CNTLN: variants seen among roughly 807,000 people sequenced by gnomAD.
CNTLN encodes centlein.
In CNTLN, 212 loss-of-function variants were observed where a neutral mutation model predicts 180.0. The ratio of observed to expected loss-of-function variants is 1.18; its 90% CI spans 1.05 to 1.32. CNTLN has a LOEUF of 1.32. Among genes scored for constraint, CNTLN ranks in the 40% most tolerant of loss-of-function variants. The probability of loss-of-function intolerance (pLI) is 0.00; values close to 1 mark genes in which losing one functional copy is unlikely to be tolerated. For synonymous variants in CNTLN, 722 were observed against 563.1 expected, an observed-to-expected ratio of 1.28 and a Z score of -3.99; for missense variants, 2,095 against 1,610.9, an observed-to-expected ratio of 1.30 and a Z score of -5.14.
chr9:17,494,926 G>A, intron 25 of CNTLN: 1 of 423,770 alleles, frequency 2.4e-6, no homozygotes, highest in Non-Finnish European at 4.6e-6. Context: ...CTGTCTCCCA[G>A]GCTGAAGTGC....
At chr9:17,457,482 T>C in intron 18 of CNTLN, 42 bp from the exon 19 acceptor site, 2 of 1,088,428 alleles carry the variant, frequency 1.8e-6, no homozygotes, top group Non-Finnish European at 2.4e-6. Flanking sequence ...TATAGTTACT[T>C]TTAAAATATA....
intron 2 of CNTLN, among the ~76,000 whole-genome samples, chr9:17,201,468 C>CT (rs942280889): frequency 3.8e-4 from 58 of 151,784 alleles, no homozygotes; most frequent in Admixed American, 9.2e-4. Context: ...TGGACCTGGG[C>CT]TTTTTTTTGG....
intron 7 of CNTLN, 43 bp downstream of exon 7, chr9:17,298,395 G>A (rs1355609308): frequency 2.1e-6 from 3 of 1,458,522 alleles, no homozygotes; most frequent in Non-Finnish European, 2.7e-6. Context: ...GTTTATGTAT[G>A]AACTTATGAA....
chr9:17,356,182 G>T (rs1822830321), intron 12 of CNTLN, among the ~76,000 whole-genome samples: 1 of 152,096 alleles, frequency 6.6e-6, no homozygotes, highest in Non-Finnish European at 1.5e-5. Context: ...CAAGAGTTGT[G>T]TAAGTTTTTC....
At chr9:17,207,436 C>T (rs553602820) in intron 2 of CNTLN, among the ~76,000 whole-genome samples, 1 of 152,200 alleles carries the variant, frequency 6.6e-6, no homozygotes, top group Admixed American at 6.5e-5. Flanking sequence ...CGGTGTCTGC[C>T]CAAAGAGCAG....
At chr9:17,232,232 T>C (rs1462651693) in intron 3 of CNTLN, among the ~76,000 whole-genome samples, 1 of 152,066 alleles carries the variant, frequency 6.6e-6, no homozygotes, top group African/African-American at 2.4e-5. Context: ...AATCTTTGTC[T>C]AACTTATTTT....
chr9:17,213,452 T>C (rs143492522), intron 2 of CNTLN, among the ~76,000 whole-genome samples: 1,828 of 152,356 alleles, frequency 0.012, 39 homozygotes, highest in African/African-American at 0.042. Flanking sequence ...ATTTTACATT[T>C]GCTGAGGAGT....
chr9:17,451,932 G>C (rs1369979202), intron 18 of CNTLN, among the ~76,000 whole-genome samples: 1 of 152,118 alleles, frequency 6.6e-6, no homozygotes, highest in Non-Finnish European at 1.5e-5. Flanking sequence ...AAAAGCTGTA[G>C]GTCAGAATCA....
At chr9:17,345,640 T>C (rs1015197783) in intron 12 of CNTLN, among the ~76,000 whole-genome samples, 2 of 152,058 alleles carry the variant, frequency 1.3e-5, no homozygotes, top group Non-Finnish European at 2.9e-5. Flanking sequence ...CTAGAAACCT[T>C]GTTTTCATTT....
chr9:17,400,632 A>G (rs1772065532), intron 15 of CNTLN, among the ~76,000 whole-genome samples: 1 of 152,210 alleles, frequency 6.6e-6, no homozygotes, highest in Non-Finnish European at 1.5e-5. Context: ...ACGTTGTGAG[A>G]AAGAAATAGG....
intron 13 of CNTLN, among the ~76,000 whole-genome samples, chr9:17,385,610 G>T (rs906154577): frequency 6.6e-6 from 1 of 152,100 alleles, no homozygotes; most frequent in African/African-American, 2.4e-5. Context: ...TGGACCCTCT[G>T]TATCCACGGG....
At chr9:17,357,148 C>G (rs1198153334) in intron 12 of CNTLN, among the ~76,000 whole-genome samples, 1 of 152,022 alleles carries the variant, frequency 6.6e-6, no homozygotes, top group Admixed American at 6.6e-5. Context: ...TTTACTATTT[C>G]TTCAAGATTT....
chr9:17,518,278 A>C, the CNTLN span, among the ~76,000 whole-genome samples: 258 of 151,154 alleles, frequency 1.7e-3, 1 homozygote, highest in African/African-American at 5.9e-3. Flanking sequence ...TGAACTCCTG[A>C]CCTCGTGATC....
At chr9:17,137,349 T>A (rs1438220540) in intron 1 of CNTLN, among the ~76,000 whole-genome samples, 1 of 152,206 alleles carries the variant, frequency 6.6e-6, no homozygotes, top group Non-Finnish European at 1.5e-5. Flanking sequence ...AACTCCCAAT[T>A]GTTTTGTAAA....
the CNTLN span, among the ~76,000 whole-genome samples, chr9:17,510,177 C>A: frequency 1.3e-5 from 2 of 152,062 alleles, no homozygotes; most frequent in Non-Finnish European, 2.9e-5. Context: ...TTGGGTTTCC[C>A]ACCAAGAAAA....
At chr9:17,178,461 G>T (rs893211240) in intron 2 of CNTLN, among the ~76,000 whole-genome samples, 4 of 152,188 alleles carry the variant, frequency 2.6e-5, no homozygotes, top group African/African-American at 9.6e-5. Flanking sequence ...CTGGAATAGG[G>T]AGTGGTGCTG....
At chr9:17,493,772 G>A (rs553396111) in intron 25 of CNTLN, among the ~76,000 whole-genome samples, 1 of 152,308 alleles carries the variant, frequency 6.6e-6, no homozygotes, top group African/African-American at 2.4e-5. Context: ...CATGAGCTCT[G>A]CCTTGTGGAA....
In CNTLN at chr9:17,172,983, T is replaced by C. The variant is rs541840682; in HGVS notation, c.449+29607T>C. Among the ~76,000 whole-genome samples, 50 of 152,324 alleles carry C rather than the reference T, an allele frequency of 3.3e-4. 1 individual carries two copies. The highest frequency in any genetic ancestry group is 1.2e-3 in the African/African-American group (49 of 41,584). ...TGAATTTTGGAAAAAATAATGGTTA[T>C]ATCCTGTTGGAAGATTTCTACAAAT... On this transcript the variant is annotated intron_variant, in intron 2 of 25. Coordinates refer to ENST00000380647, the MANE Select transcript of CNTLN (RefSeq NM_017738.4).
In CNTLN at chr9:17,135,481, G is replaced by T. The variant is rs563950352; in HGVS notation, c.360+56G>T. On this transcript the variant is annotated intron_variant, in intron 1 of 25. Transcript: ENST00000380647. ...CCACCACAGCGGGGCCGGGACCCGT[G>T]GGGAGGCGCGCCTTTCTCCCTCTGC... 66 of 1,528,430 alleles carry T rather than the reference G, an allele frequency of 4.3e-5. No homozygotes were observed. The East Asian group carries it at 1.5e-3, about 34-fold the overall frequency. 94.7% of individuals were successfully genotyped at this position (1,528,430 alleles called of 1,614,324 possible). A position where few individuals can be genotyped will look rare whatever the true frequency, so the allele number is the denominator to read the frequency against.
Sources: allele counts gnomAD v4.1 joint callset (sites outside exome capture counted in the v4.1 genomes callset), GRCh38; gene constraint gnomAD v4.1.1; transcripts MANE v1.5; gene names NCBI Gene and HGNC (gene_info 2026-07-23, HGNC 2026-07-21).